The following SH3GLB1 variants were observed in gnomAD, a reference collection of about 807,000 sequenced individuals.
SH3GLB1 encodes the protein endophilin-B1.
In SH3GLB1, 17 loss-of-function variants were observed where a neutral mutation model predicts 42.0. That is an observed-to-expected ratio of 0.40 (90% CI 0.28 to 0.61). The LOEUF (loss-of-function observed/expected upper bound fraction) is 0.61. SH3GLB1 is among the 20% of genes least tolerant of loss of function. The pLI, the probability that SH3GLB1 is intolerant of heterozygous loss-of-function variation, is 0.36. For missense variants in SH3GLB1, 355 were observed against 426.3 expected (o/e 0.83, Z 1.47); for synonymous variants, 132 against 146.6 (o/e 0.90, Z 0.72).
Position 86,724,389 on chromosome 1 carries a change from C to T in SH3GLB1, c.554C>T (p.Ala185Val). 6.3e-7 allele frequency: 1 copy of T among 1,599,086 alleles called. No homozygotes were observed. Among genetic ancestry groups the T allele is most frequent in the South Asian group, 1.1e-5 (1 of 87,588 alleles). Reference sequence around the variant, plus strand: ...ACGAGACTAAAAAAGGCAAAAGCTGCAGAAACTAGAAATTCAGTAAGTAAA... The same window carrying T: ...ACGAGACTAAAAAAGGCAAAAGCTGTAGAAACTAGAAATTCAGTAAGTAAA... ...AKTRLKKAKAAETRNSSEQEL... is the reference protein window; with the variant it reads ...AKTRLKKAKAVETRNSSEQEL... The change falls in exon 5 of 9, where the codon GCA becomes GTA. Residue 185 changes from alanine (A) to valine (V), a missense_variant. Transcript: ENST00000370558.
chr1:86,713,981 G>A (rs541559923), intron 1 of SH3GLB1, among the ~76,000 whole-genome samples: 24 of 152,316 alleles, frequency 1.6e-4, no homozygotes, highest in African/African-American at 5.8e-4. Context: ...ATATGTAGGT[G>A]CTTAATAAGT....
intron 1 of SH3GLB1, among the ~76,000 whole-genome samples, chr1:86,715,405 AC>A (rs918314404): frequency 6.6e-6 from 1 of 152,204 alleles, no homozygotes; most frequent in African/African-American, 2.4e-5. Flanking sequence ...ATCCTAGTCT[AC>A]CTAGGATAGG....
At chr1:86,718,673 GT>G (rs1452477144) in intron 2 of SH3GLB1, among the ~76,000 whole-genome samples, 7 of 152,096 alleles carry the variant, frequency 4.6e-5, no homozygotes, top group Non-Finnish European at 8.8e-5. Context: ...ATGCTTAATC[GT>G]TGTTTCTGGA....
At position 86,704,667 on chromosome 1, in the gene SH3GLB1, C is replaced by G. The variant is rs1653704044; in HGVS notation, c.-233C>G. The G allele has an allele frequency of 2.6e-6, 1 of 385,380 alleles. No individual in the cohort carries two copies. The highest frequency in any genetic ancestry group is 4.7e-6 in the Non-Finnish European group (1 of 212,174). 23.9% of individuals were successfully genotyped at this position (385,380 alleles called of 1,614,324 possible). A position where few individuals can be genotyped will look rare whatever the true frequency, so the allele number is the denominator to read the frequency against. On this transcript the variant is annotated 5_prime_UTR_variant, in exon 1 of 9. Transcript: ENST00000370558. ...CCCATCGTCGACGTTAGCGGCCGTT[C>G]TCCGAGCCGACTGACCCATCCTTGG... is the stretch of plus-strand genomic sequence containing the variant.
chr1:86,733,585 A>C (rs1428576832), intron 5 of SH3GLB1, among the ~76,000 whole-genome samples: 1 of 152,170 alleles, frequency 6.6e-6, no homozygotes, highest in Non-Finnish European at 1.5e-5. Context: ...AAAGCTAACT[A>C]TTCTGAGTAA....
chr1:86,734,736 T>A (rs1255601030), intron 6 of SH3GLB1, 45 bp downstream of exon 6: 1 of 1,484,170 alleles, frequency 6.7e-7, no homozygotes, highest in South Asian at 1.2e-5. Context: ...AAGACTTTGG[T>A]AGTCCTAAGG....
intron 6 of SH3GLB1, among the ~76,000 whole-genome samples, 158 bp downstream of exon 6, chr1:86,734,849 C>T (rs1287947444): frequency 1.3e-5 from 2 of 152,082 alleles, no homozygotes; most frequent in African/African-American, 4.8e-5. Flanking sequence ...TTGTTGTTTA[C>T]ATCTTATCAC....
intron 2 of SH3GLB1, among the ~76,000 whole-genome samples, chr1:86,718,744 GT>G (rs1474339874): frequency 6.6e-6 from 1 of 152,178 alleles, no homozygotes; most frequent in Non-Finnish European, 1.5e-5. Context: ...CATTGTAAAT[GT>G]TAATATCTTT....
chr1:86,737,793 T>C (rs1003954881), intron 7 of SH3GLB1, among the ~76,000 whole-genome samples: 6 of 152,146 alleles, frequency 3.9e-5, no homozygotes, highest in Non-Finnish European at 7.4e-5. Flanking sequence ...AGCAGGAAAC[T>C]ACTTTGATGG....
rs538072349 is a variant in SH3GLB1 at position 86,748,052 on chromosome 1, G to C, written c.*4817G>C. On this transcript the variant is annotated 3_prime_UTR_variant, in exon 9 of 9. Coordinates refer to ENST00000370558, the MANE Select transcript of SH3GLB1 (RefSeq NM_016009.5). The stretch of plus-strand genomic sequence containing the variant: ...TTTTTCACTCAACAATACCATGACT[G>C]TCTTGCTGTGTCAAGTATATTTCTA... The C allele has an allele frequency of 5.9e-5, 9 of 152,066 alleles. No homozygotes were observed. Among genetic ancestry groups the C allele is most frequent in the African/African-American group, 1.4e-4 (6 of 41,390 alleles). 9.4% of individuals were successfully genotyped at this position (152,066 alleles called of 1,614,324 possible).
At chr1:86,739,361 A>G (rs1243889411) in intron 7 of SH3GLB1, among the ~76,000 whole-genome samples, 1 of 152,184 alleles carries the variant, frequency 6.6e-6, no homozygotes, top group Non-Finnish European at 1.5e-5. Flanking sequence ...ATGGAAACTA[A>G]GAGTATGGCC....
Position 86,746,716 on chromosome 1 carries a change from AAATT to A in SH3GLB1, c.*3483_*3486del, listed in dbSNP as rs1418982115. 1 of 152,198 alleles carries A rather than the reference AAATT, an allele frequency of 6.6e-6. No homozygotes were observed. Among genetic ancestry groups the A allele is most frequent in the Non-Finnish European group, 1.5e-5 (1 of 68,074 alleles). 9.4% of individuals were successfully genotyped at this position (152,198 alleles called of 1,614,324 possible). A position where few individuals can be genotyped will look rare whatever the true frequency, so the allele number is the denominator to read the frequency against. On this transcript the variant is annotated 3_prime_UTR_variant, in exon 9 of 9. Coordinates refer to ENST00000370558, the MANE Select transcript of SH3GLB1 (RefSeq NM_016009.5). ...AACCCTGTCTCTACTGAAAATATAA[AAATT>A]AGCCGGGCATGGTGGCGTGCACCTG...
intron 3 of SH3GLB1, among the ~76,000 whole-genome samples, chr1:86,720,187 T>C (rs1307764535): frequency 6.6e-6 from 1 of 152,186 alleles, no homozygotes; most frequent in East Asian, 1.9e-4. Flanking sequence ...TAATGAATTC[T>C]TCACTTGTTC....
In SH3GLB1 at chr1:86,715,652, T is replaced by C. The variant is rs994011032; in HGVS notation, c.73-72T>C. ...AGGATTGTTTAGCTTTGAATTTGCT[T>C]TTTACTTATTGATATGGTTCCCTAA... On this transcript the variant is annotated intron_variant, in intron 1 of 8. Transcript: ENST00000370558. 5 of 1,459,412 alleles carry C rather than the reference T, an allele frequency of 3.4e-6. No homozygotes were observed. The African/African-American group carries it at 7.2e-5, about 21-fold the overall frequency. 90.4% of individuals were successfully genotyped at this position (1,459,412 alleles called of 1,614,324 possible).
At chr1:86,720,992 C>A (rs953883180) in intron 3 of SH3GLB1, among the ~76,000 whole-genome samples, 1 of 152,050 alleles carries the variant, frequency 6.6e-6, no homozygotes, top group Non-Finnish European at 1.5e-5. Flanking sequence ...CTACTTGTGC[C>A]AAGCTCAGTT....
rs570497984 is a variant in SH3GLB1 at position 86,732,842 on chromosome 1, T to C, written c.571-1760T>C. Among the ~76,000 whole-genome samples the C allele has an allele frequency of 9.9e-5, 15 of 152,234 alleles. No homozygotes were observed. In the East Asian group the frequency reaches 2.7e-3, roughly 27 times the overall value. On this transcript the variant is annotated intron_variant, in intron 5 of 8. Coordinates refer to ENST00000370558, the MANE Select transcript of SH3GLB1 (RefSeq NM_016009.5). ...ACTTGCTTATTACCTTACCTAGAAA[T>C]AATGTCAGTTAGTAGGATTTTTCTG...
At chr1:86,714,493 G>A (rs1654398293) in intron 1 of SH3GLB1, among the ~76,000 whole-genome samples, 1 of 152,178 alleles carries the variant, frequency 6.6e-6, no homozygotes, top group African/African-American at 2.4e-5. Flanking sequence ...TATTTAAGCT[G>A]TTATTTCTAG....
chr1:86,716,405 G>A (rs1205612834), intron 2 of SH3GLB1, among the ~76,000 whole-genome samples: 2 of 152,072 alleles, frequency 1.3e-5, no homozygotes, highest in African/African-American at 4.8e-5. Context: ...CTCCCAAGTA[G>A]CTGGGATTAC....
chr1:86,724,242 C>T, intron 4 of SH3GLB1, 71 bp from the exon 5 acceptor site: 5 of 1,073,784 alleles, frequency 4.7e-6, no homozygotes, highest in Non-Finnish European at 6.7e-6. Flanking sequence ...GGGAATAATA[C>T]TTTAAATGTG....
Sources: allele counts gnomAD v4.1 joint callset (sites outside exome capture counted in the v4.1 genomes callset), GRCh38; gene constraint gnomAD v4.1.1; transcripts MANE v1.5; gene names NCBI Gene and HGNC (gene_info 2026-07-23, HGNC 2026-07-21).